CCDC152: variants seen among roughly 807,000 people sequenced by gnomAD.
CCDC152 encodes coiled-coil domain-containing protein 152.
In CCDC152, 37 loss-of-function variants were observed where a neutral mutation model predicts 38.1. The observed-to-expected ratio is 0.97, with a 90% CI of 0.75 to 1.28. CCDC152 has a LOEUF of 1.28. CCDC152 is among the 50% of genes most tolerant of loss of function. CCDC152 has a pLI of 0.00. For synonymous variants in CCDC152, 83 were observed against 87.1 expected, an observed-to-expected ratio of 0.95 and a Z score of 0.26; for missense variants, 259 against 292.1, an observed-to-expected ratio of 0.89 and a Z score of 0.83.
chr5:42,791,913 G>T (rs1760008508), intron 6 of CCDC152, among the ~76,000 whole-genome samples: 1 of 152,168 alleles, frequency 6.6e-6, no homozygotes, highest in Non-Finnish European at 1.5e-5. Context: ...GATACTTTTA[G>T]ATATAATCAC....
intron 6 of CCDC152, among the ~76,000 whole-genome samples, chr5:42,784,681 A>C (rs1253708079): frequency 6.6e-6 from 1 of 152,140 alleles, no homozygotes; most frequent in Non-Finnish European, 1.5e-5. Context: ...GCCTAGGCCA[A>C]TGTCCAGAAG....
At chr5:42,759,672 C>T (rs972413492) in intron 2 of CCDC152, among the ~76,000 whole-genome samples, 2 of 152,120 alleles carry the variant, frequency 1.3e-5, no homozygotes, top group Non-Finnish European at 2.9e-5. Context: ...TCCTTTTGAC[C>T]AGTGTATCCA....
At position 42,786,942 on chromosome 5, in the gene CCDC152, T is replaced by G. The variant is rs115239189; in HGVS notation, c.430+3366T>G. Among the ~76,000 whole-genome samples the G allele has an allele frequency of 9.1e-3, 1,386 of 152,194 alleles. 20 individuals carry two copies. The highest frequency in any genetic ancestry group is 0.032 in the African/African-American group (1,323 of 41,572). ...CCAGGAGCAAGTTGTTTGGTTTCTA[T>G]GTATTTGTGTGGTTTTGCAAGTTCC... is the stretch of plus-strand genomic sequence containing the variant. On this transcript the variant is annotated intron_variant, in intron 6 of 8. Coordinates refer to ENST00000361970, the MANE Select transcript of CCDC152 (RefSeq NM_001134848.2).
At chr5:42,775,081 C>G (rs1174726086) in intron 4 of CCDC152, among the ~76,000 whole-genome samples, 2 of 147,030 alleles carry the variant, frequency 1.4e-5, no homozygotes, top group African/African-American at 2.5e-5. Flanking sequence ...AGTGTAATAA[C>G]TACGAAAGCT....
intron 7 of CCDC152, among the ~76,000 whole-genome samples, chr5:42,799,096 G>C (rs915944039): frequency 6.6e-6 from 1 of 151,888 alleles, no homozygotes; most frequent in African/African-American, 2.4e-5. Context: ...CTGCACACCA[G>C]AATCTCTAAA....
Position 42,800,930 on chromosome 5 carries a change from T to C in CCDC152, c.*1149T>C, listed in dbSNP as rs1429215856. The C allele has an allele frequency of 1.2e-6, 2 of 1,614,248 alleles. No individual in the cohort carries two copies. The highest frequency in any genetic ancestry group is 1.1e-5 in the South Asian group (1 of 91,090). On this transcript the variant is annotated 3_prime_UTR_variant, in exon 9 of 9. Coordinates refer to ENST00000361970, the MANE Select transcript of CCDC152 (RefSeq NM_001134848.2). ...TACACTGTCAGGTGATTGCAGACCC[T>C]GTTTTTTCAAATATCAGATGTCGAC...
intron 5 of CCDC152, among the ~76,000 whole-genome samples, chr5:42,780,808 G>A (rs1759834674): frequency 6.6e-6 from 1 of 152,184 alleles, no homozygotes; most frequent in Non-Finnish European, 1.5e-5. Context: ...TTTGCAACTT[G>A]TATAGAGAGA....
At chr5:42,766,275 T>G (rs967462363) in intron 3 of CCDC152, among the ~76,000 whole-genome samples, 6 of 152,066 alleles carry the variant, frequency 3.9e-5, no homozygotes, top group African/African-American at 1.4e-4. Flanking sequence ...CAAATGCTGG[T>G]GAGGATGTGG....
rs1554044490 is a variant in CCDC152 at position 42,779,630 on chromosome 5, T to TGG, written c.327+110_327+111dup. 207 of 633,198 alleles carry TGG rather than the reference T, an allele frequency of 3.3e-4. 1 individual carries two copies. The highest frequency in any genetic ancestry group is 4.7e-4 in the Non-Finnish European group (173 of 365,232). 39.2% of individuals were successfully genotyped at this position (633,198 alleles called of 1,614,324 possible). ...ATTAATAAACACAGCCAAATGTTTG[T>TGG]GGGTGTGTGTGTGTGTGGAGATATA... On this transcript the variant is annotated intron_variant, in intron 5 of 8. Coordinates refer to ENST00000361970, the MANE Select transcript of CCDC152 (RefSeq NM_001134848.2).
chr5:42,791,788 A>G (rs1016156289), intron 6 of CCDC152, among the ~76,000 whole-genome samples: 16 of 152,198 alleles, frequency 1.1e-4, no homozygotes, highest in Non-Finnish European at 2.1e-4. Context: ...TGCTGAGTCA[A>G]TGAATTCTTG....
At chr5:42,798,442 C>A (rs532505924) in intron 7 of CCDC152, among the ~76,000 whole-genome samples, 5 of 152,322 alleles carry the variant, frequency 3.3e-5, no homozygotes, top group Non-Finnish European at 5.9e-5. Flanking sequence ...ACTTTAGATA[C>A]CCTTTGCTGC....
chr5:42,795,391 G>A (rs995393808), intron 6 of CCDC152, among the ~76,000 whole-genome samples: 4 of 152,120 alleles, frequency 2.6e-5, no homozygotes, highest in African/African-American at 4.8e-5. Context: ...AGTAAAATTC[G>A]CAGAACTAGT....
At chr5:42,760,161 G>A (rs1193867207) in intron 2 of CCDC152, among the ~76,000 whole-genome samples, 2 of 151,870 alleles carry the variant, frequency 1.3e-5, no homozygotes, top group East Asian at 1.9e-4. Flanking sequence ...AAAATTAGCC[G>A]GGCGTGGTGG....
chr5:42,786,941 A>G (rs920854470), intron 6 of CCDC152, among the ~76,000 whole-genome samples: 1 of 151,770 alleles, frequency 6.6e-6, no homozygotes, highest in Non-Finnish European at 1.5e-5. Context: ...TTTGGTTTCT[A>G]TGTATTTGTG....
chr5:42,791,144 T>C (rs1194595106), intron 6 of CCDC152, among the ~76,000 whole-genome samples: 1 of 152,250 alleles, frequency 6.6e-6, no homozygotes, highest in Non-Finnish European at 1.5e-5. Context: ...AATTTTTTAA[T>C]TGAGGCATGT....
At chr5:42,775,532 T>C (rs1759759096) in intron 4 of CCDC152, among the ~76,000 whole-genome samples, 2 of 152,120 alleles carry the variant, frequency 1.3e-5, no homozygotes, top group Admixed American at 6.5e-5. Context: ...TTGAGGGTAT[T>C]TGTTGCAAGT....
At chr5:42,797,622 A>T (rs929397394) in intron 7 of CCDC152, among the ~76,000 whole-genome samples, 2 of 152,182 alleles carry the variant, frequency 1.3e-5, no homozygotes, top group African/African-American at 4.8e-5. Context: ...GCATGGGAAG[A>T]ATGTTTCTAA....
At chr5:42,768,773 A>C (rs1170733888) in intron 3 of CCDC152, among the ~76,000 whole-genome samples, 2 of 152,206 alleles carry the variant, frequency 1.3e-5, no homozygotes, top group Non-Finnish European at 2.9e-5. Flanking sequence ...CCCTTTCCTT[A>C]GGATGTTCTT....
intron 3 of CCDC152, among the ~76,000 whole-genome samples, chr5:42,768,748 C>A (rs570495602): frequency 6.6e-6 from 1 of 152,284 alleles, no homozygotes; most frequent in Non-Finnish European, 1.5e-5. Flanking sequence ...TATACCAAAA[C>A]AATATAATTT....
Sources: gnomAD v4.1 joint callset for allele counts (sites outside exome capture counted in the v4.1 genomes callset) on GRCh38, gnomAD v4.1.1 for gene constraint, MANE v1.5 for transcripts, NCBI Gene and HGNC (gene_info 2026-07-23, HGNC 2026-07-21) for gene names.